Variants in ERC2 observed in about 807,000 individuals in gnomAD.
The protein encoded by ERC2 is ERC protein 2.
Under a neutral mutation model 114.8 loss-of-function variants are expected in ERC2, and 42 were observed. That is an observed-to-expected ratio of 0.37 (90% CI 0.29 to 0.47). The LOEUF (loss-of-function observed/expected upper bound fraction) is 0.47, where lower values mean the gene tolerates loss of function less well. Among genes scored for constraint, ERC2 ranks in the 20% least tolerant of loss-of-function variants. The pLI, the probability that ERC2 is intolerant of heterozygous loss-of-function variation, is 0.99. For missense variants in ERC2, 939 were observed against 1,150.7 expected (o/e 0.82, Z 2.66); for synonymous variants, 454 against 425.5 (o/e 1.07, Z -0.82).
intron 3 of ERC2, among the ~76,000 whole-genome samples, chr3:56,208,336 A>G (rs2048863542): frequency 6.6e-6 from 1 of 152,198 alleles, no homozygotes; most frequent in Non-Finnish European, 1.5e-5. Flanking sequence ...TTGAACATTT[A>G]CTTAAAAATA....
chr3:56,231,045 C>A (rs1263470148), intron 3 of ERC2, among the ~76,000 whole-genome samples: 1 of 152,192 alleles, frequency 6.6e-6, no homozygotes, highest in Non-Finnish European at 1.5e-5. Flanking sequence ...TTATTACTCC[C>A]ATTTTACAGA....
intron 7 of ERC2, among the ~76,000 whole-genome samples, chr3:56,044,242 T>C (rs1024984347): frequency 6.6e-6 from 1 of 152,170 alleles, no homozygotes; most frequent in Non-Finnish European, 1.5e-5. Context: ...TGGGAAACAT[T>C]TTTTCAAGGT....
At chr3:56,113,407 T>C (rs9837290) in intron 6 of ERC2, among the ~76,000 whole-genome samples, 25,404 of 152,094 alleles carry the variant, frequency 0.17, 2,265 homozygotes, top group African/African-American at 0.21. Flanking sequence ...TACCTCACGC[T>C]TGCTGTTGAG....
rs564368682 is a variant in ERC2 at position 55,845,363 on chromosome 3, G to C, written c.2564+43026C>G. Reference sequence around the variant, plus strand: ...GCTAATAATACAAAAAATTAGCCGGGCGTAGTGGCGGGCGCCTGTAGTCCC... The same window carrying C: ...GCTAATAATACAAAAAATTAGCCGGCCGTAGTGGCGGGCGCCTGTAGTCCC... On this transcript the variant is annotated intron_variant, in intron 14 of 17. Coordinates refer to ENST00000288221, the MANE Select transcript of ERC2 (RefSeq NM_015576.3). Among the ~76,000 whole-genome samples, 1,019 of 151,924 alleles carry C rather than the reference G, an allele frequency of 6.7e-3. 5 individuals carry two copies. Among genetic ancestry groups the C allele is most frequent in the Non-Finnish European group, 9.6e-3 (651 of 67,938 alleles).
chr3:56,436,922 G>A (rs539685386), intron 1 of ERC2, among the ~76,000 whole-genome samples: 5 of 152,284 alleles, frequency 3.3e-5, no homozygotes, highest in Non-Finnish European at 7.4e-5. Flanking sequence ...CCAGATCCAG[G>A]AATCATAGAA....
intron 2 of ERC2, among the ~76,000 whole-genome samples, chr3:56,410,869 C>T (rs2060916455): frequency 6.6e-6 from 1 of 151,986 alleles, no homozygotes; most frequent in East Asian, 1.9e-4. Context: ...ACTATGTTCC[C>T]AATTTCAAAG....
intron 7 of ERC2, among the ~76,000 whole-genome samples, chr3:56,061,653 T>C (rs1326107476): frequency 6.6e-6 from 1 of 152,164 alleles, no homozygotes; most frequent in East Asian, 1.9e-4. Flanking sequence ...GTTTGGACTA[T>C]GAATGGAAAT....
At chr3:56,399,255 A>G (rs1267888128) in intron 2 of ERC2, among the ~76,000 whole-genome samples, 1 of 152,216 alleles carries the variant, frequency 6.6e-6, no homozygotes, top group Admixed American at 6.5e-5. Flanking sequence ...GCGTACTTCT[A>G]TTCAAAATAA....
chr3:56,285,680 T>C (rs1241484669), intron 3 of ERC2, among the ~76,000 whole-genome samples: 1 of 152,202 alleles, frequency 6.6e-6, no homozygotes, highest in Non-Finnish European at 1.5e-5. Context: ...GTAAGACCAG[T>C]GTCCATGGGC....
chr3:56,378,586 A>C (rs1560707174), intron 2 of ERC2, among the ~76,000 whole-genome samples: 1 of 133,784 alleles, frequency 7.5e-6, no homozygotes, highest in East Asian at 2.0e-4. Flanking sequence ...AAAAAAAAAA[A>C]CAAAGGCAGC....
Position 55,701,115 on chromosome 3 carries a change from T to C in ERC2, c.2713-1603A>G, listed in dbSNP as rs189936353. Among the ~76,000 whole-genome samples the C allele has an allele frequency of 2.1e-3, 327 of 152,332 alleles. 1 individual carries two copies. The highest frequency in any genetic ancestry group is 0.02 in the Middle Eastern group (6 of 294). The stretch of plus-strand genomic sequence containing the variant: ...GAGCCTCCAACCAGTTGGAGTTTTA[T>C]TATGTAATATAAATAATACACTGAC... On this transcript the variant is annotated intron_variant, in intron 15 of 17. Transcript: ENST00000288221.
chr3:56,018,449 A>G (rs748156350), intron 8 of ERC2, among the ~76,000 whole-genome samples: 7 of 152,142 alleles, frequency 4.6e-5, no homozygotes, highest in Non-Finnish European at 8.8e-5. Flanking sequence ...AGTATGGTAC[A>G]GTTGAAAATC....
rs955696266 is a variant in ERC2 at position 56,221,777 on chromosome 3, G to A, written c.1075-48257C>T. 4.7e-4 allele frequency among the ~76,000 whole-genome samples: 71 copies of A among 152,092 alleles called. 1 individual carries two copies. The highest frequency in any genetic ancestry group is 2.1e-4 in the Non-Finnish European group (14 of 68,020). ...AAATTTGCAGAGTGTGGTAGTGGGC[G>A]CCTGTAGTCCCAGCTCCTTGGGAGG... On this transcript the variant is annotated intron_variant, in intron 3 of 17. Transcript: ENST00000288221.
chr3:56,210,495 T>A (rs1205819872), intron 3 of ERC2, among the ~76,000 whole-genome samples: 1 of 152,226 alleles, frequency 6.6e-6, no homozygotes, highest in Non-Finnish European at 1.5e-5. Context: ...GAATAATGCA[T>A]CCACACTGTA....
At chr3:55,569,570 G>C (rs1243929956) in intron 17 of ERC2, among the ~76,000 whole-genome samples, 6 of 152,188 alleles carry the variant, frequency 3.9e-5, no homozygotes, top group African/African-American at 7.2e-5. Flanking sequence ...GGCACAACTT[G>C]ACAATTAAAT....
At chr3:55,909,695 A>G (rs780993748) in intron 13 of ERC2, among the ~76,000 whole-genome samples, 19 of 152,140 alleles carry the variant, frequency 1.2e-4, no homozygotes, top group Non-Finnish European at 2.4e-4. Context: ...CCCTGGGACA[A>G]AGACCACAGG....
intron 13 of ERC2, among the ~76,000 whole-genome samples, chr3:55,894,857 G>A (rs1297440422): frequency 6.6e-6 from 1 of 152,188 alleles, no homozygotes; most frequent in African/African-American, 2.4e-5. Flanking sequence ...ACAATGCCTA[G>A]TACTCAGTAG....
intron 2 of ERC2, among the ~76,000 whole-genome samples, chr3:56,353,346 G>T (rs994457753): frequency 6.6e-6 from 1 of 151,906 alleles, no homozygotes; most frequent in Non-Finnish European, 1.5e-5. Flanking sequence ...AAAATCTAAA[G>T]TAATGGCTTC....
intron 15 of ERC2, among the ~76,000 whole-genome samples, chr3:55,728,280 A>C (rs2065041805): frequency 6.6e-6 from 1 of 152,220 alleles, no homozygotes; most frequent in Non-Finnish European, 1.5e-5. Flanking sequence ...CAAGGCAGAT[A>C]GCTATTATTA....
Sources: allele counts gnomAD v4.1 joint callset (sites outside exome capture counted in the v4.1 genomes callset), GRCh38; gene constraint gnomAD v4.1.1; transcripts MANE v1.5; gene names NCBI Gene and HGNC (gene_info 2026-07-23, HGNC 2026-07-21).